BAZ2B: variants seen among roughly 807,000 people sequenced by gnomAD.
BAZ2B encodes the protein bromodomain adjacent to zinc finger domain protein 2B.
Under a neutral mutation model 246.0 loss-of-function variants are expected in BAZ2B, and 91 were observed. That is an observed-to-expected ratio of 0.37 (90% CI 0.31 to 0.44). The LOEUF is 0.44. Among genes scored for constraint, BAZ2B ranks in the 20% least tolerant of loss-of-function variants. BAZ2B has a pLI of 1.00. For synonymous variants in BAZ2B, 855 were observed against 860.0 expected (o/e 0.99, Z 0.10); for missense variants, 2,332 against 2,533.7 (o/e 0.92, Z 1.71).
the BAZ2B span, among the ~76,000 whole-genome samples, chr2:159,642,531 G>GC: frequency 6.6e-6 from 1 of 151,884 alleles, no homozygotes; most frequent in East Asian, 1.9e-4. Flanking sequence ...AAGCCAGCGT[G>GC]CCCAGCCAAA....
At chr2:159,481,897 T>C (rs149404786) in intron 2 of BAZ2B, among the ~76,000 whole-genome samples, 9 of 152,038 alleles carry the variant, frequency 5.9e-5, no homozygotes, top group Non-Finnish European at 1.3e-4. Flanking sequence ...GGATCCTAAG[T>C]TGGATTTTAG....
At chr2:159,339,145 G>A (rs2066177753) in intron 31 of BAZ2B, among the ~76,000 whole-genome samples, 1 of 152,122 alleles carries the variant, frequency 6.6e-6, no homozygotes, top group South Asian at 2.1e-4. Flanking sequence ...ATTTAGAAAG[G>A]AAGGATGGAC....
chr2:159,402,019 T>C (rs2065150975), intron 16 of BAZ2B, among the ~76,000 whole-genome samples: 1 of 152,192 alleles, frequency 6.6e-6, no homozygotes. Context: ...ATGTTATTGA[T>C]TCCCTGCAGG....
chr2:159,516,044 C>T (rs1165599162), intron 2 of BAZ2B, among the ~76,000 whole-genome samples: 1 of 151,958 alleles, frequency 6.6e-6, no homozygotes, highest in East Asian at 1.9e-4. Context: ...TTAACCAAAA[C>T]CTACAGTATG....
chr2:159,510,480 T>C (rs939318867), intron 2 of BAZ2B, among the ~76,000 whole-genome samples: 7 of 152,164 alleles, frequency 4.6e-5, no homozygotes, highest in Admixed American at 3.9e-4. Context: ...GGAGTTATTA[T>C]TACTTAATGG....
intron 33 of BAZ2B, among the ~76,000 whole-genome samples, chr2:159,333,660 A>G (rs1256317279): frequency 3.3e-5 from 5 of 152,174 alleles, no homozygotes; most frequent in African/African-American, 9.6e-5. Context: ...ACTACTTTAA[A>G]GTTAGGTATT....
At chr2:159,445,309 C>T (rs2074070999) in intron 6 of BAZ2B, among the ~76,000 whole-genome samples, 1 of 152,100 alleles carries the variant, frequency 6.6e-6, no homozygotes, top group Non-Finnish European at 1.5e-5. Flanking sequence ...AGATTAACTA[C>T]TAAGAGGAAT....
chr2:159,361,087 C>T (rs1444994730), intron 27 of BAZ2B, among the ~76,000 whole-genome samples: 1 of 152,000 alleles, frequency 6.6e-6, no homozygotes, highest in African/African-American at 2.4e-5. Context: ...CAACAAAAGC[C>T]AAAATTGACA....
intron 12 of BAZ2B, 47 bp from the exon 13 acceptor site, chr2:159,428,089 C>G (rs2070323417): frequency 1.9e-6 from 3 of 1,549,650 alleles, no homozygotes; most frequent in Admixed American, 3.4e-5. Context: ...ATAATTACAA[C>G]CCAGCTTTGA....
intron 1 of BAZ2B, among the ~76,000 whole-genome samples, chr2:159,576,070 A>AT (rs1212489239): frequency 2.0e-5 from 3 of 152,188 alleles, no homozygotes; most frequent in African/African-American, 7.2e-5. Context: ...AAGAATATAA[A>AT]TTAGCTCCAC....
chr2:159,608,950 C>G (rs1229945100), intron 1 of BAZ2B, among the ~76,000 whole-genome samples: 2 of 152,124 alleles, frequency 1.3e-5, no homozygotes, highest in African/African-American at 4.8e-5. Flanking sequence ...GGGACAAACA[C>G]ATACATGCAC....
chr2:159,532,444 A>G (rs1346052677), intron 2 of BAZ2B, among the ~76,000 whole-genome samples: 1 of 152,212 alleles, frequency 6.6e-6, no homozygotes, highest in Admixed American at 6.5e-5. Flanking sequence ...TGTGCAAAAT[A>G]TTACGGGGAG....
rs147532474 is a variant in BAZ2B, at chr2:159,531,681, C to T, written c.-3+24142G>A. On this transcript the variant is annotated intron_variant, in intron 2 of 36. Transcript: ENST00000392783. ...CCTTGACAAAGACTCCATCTGCCACCGAGCCATTTACAGCCTCCAAGTCAG... is the reference window on the plus strand; with the variant it reads ...CCTTGACAAAGACTCCATCTGCCACTGAGCCATTTACAGCCTCCAAGTCAG... Among the ~76,000 whole-genome samples, 713 of 152,204 alleles carry T rather than the reference C, an allele frequency of 4.7e-3. 5 individuals carry two copies. The highest frequency in any genetic ancestry group is 0.016 in the African/African-American group (677 of 41,522).
chr2:159,615,038 G>T (rs1234121297), intron 1 of BAZ2B, among the ~76,000 whole-genome samples: 1 of 152,122 alleles, frequency 6.6e-6, no homozygotes, highest in Non-Finnish European at 1.5e-5. Flanking sequence ...GAAAAAAAAT[G>T]GAGGATATTG....
chr2:159,324,725 T>C, intron 36 of BAZ2B, 86 bp downstream of exon 36: 1 of 924,266 alleles, frequency 1.1e-6, no homozygotes, highest in Non-Finnish European at 1.5e-6. Context: ...TTGCTGTTAA[T>C]TAAAATATCT....
At chr2:159,708,041 T>C in the BAZ2B span, among the ~76,000 whole-genome samples, 3 of 152,032 alleles carry the variant, frequency 2.0e-5, no homozygotes, top group Non-Finnish European at 2.9e-5. Context: ...CTGGATGTGG[T>C]AGCTGATGCC....
intron 1 of BAZ2B, among the ~76,000 whole-genome samples, chr2:159,605,631 C>G (rs1394417287): frequency 6.6e-6 from 1 of 151,704 alleles, no homozygotes; most frequent in Non-Finnish European, 1.5e-5. Context: ...GTGGTGCATG[C>G]CTGTAGTCCC....
chr2:159,622,174 C>CA, the BAZ2B span, among the ~76,000 whole-genome samples: 2 of 136,306 alleles, frequency 1.5e-5, no homozygotes, highest in Admixed American at 1.7e-4. Context: ...GAGGCCAAGG[C>CA]AGAAGGATCG....
At chr2:159,362,064 C>A (rs1250752411) in intron 27 of BAZ2B, among the ~76,000 whole-genome samples, 2 of 151,986 alleles carry the variant, frequency 1.3e-5, no homozygotes, top group Non-Finnish European at 2.9e-5. Context: ...ATGTAACAAA[C>A]CTGTATGTTC....
Sources: gnomAD v4.1 joint callset for allele counts (sites outside exome capture counted in the v4.1 genomes callset) on GRCh38, gnomAD v4.1.1 for gene constraint, MANE v1.5 for transcripts, NCBI Gene and HGNC (gene_info 2026-07-23, HGNC 2026-07-21) for gene names.